Variants in TOX observed in about 807,000 individuals in gnomAD.
TOX encodes thymocyte selection associated high mobility group box.
TOX carries 11 observed loss-of-function variants against 53.7 expected under a neutral mutation model. The ratio of observed to expected loss-of-function variants is 0.20; its 90% CI spans 0.13 to 0.34. The LOEUF is 0.34. Ranked by LOEUF, TOX falls within the 10% of genes least tolerant of loss-of-function variation. The pLI is 1.00. For synonymous variants in TOX, 225 were observed against 245.3 expected (o/e 0.92, Z 0.77); for missense variants, 570 against 664.6 (o/e 0.86, Z 1.56).
At chr8:59,055,809 G>T (rs780279000) in intron 1 of TOX, among the ~76,000 whole-genome samples, 3 of 152,012 alleles carry the variant, frequency 2.0e-5, no homozygotes, top group Non-Finnish European at 4.4e-5. Context: ...TCAGCAACTG[G>T]GTCTGCATTC....
intron 1 of TOX, among the ~76,000 whole-genome samples, chr8:59,081,329 G>T (rs1804404348): frequency 6.6e-6 from 1 of 152,054 alleles, no homozygotes; most frequent in Admixed American, 6.6e-5. Context: ...GCCGGGCCAG[G>T]GAAGGTGTTA....
At chr8:59,079,257 T>A (rs1392838076) in intron 1 of TOX, among the ~76,000 whole-genome samples, 1 of 152,188 alleles carries the variant, frequency 6.6e-6, no homozygotes, top group East Asian at 1.9e-4. Context: ...ATTTTAGTTA[T>A]GCAAATATAG....
At chr8:58,928,975 T>G (rs960413507) in intron 3 of TOX, among the ~76,000 whole-genome samples, 11 of 152,152 alleles carry the variant, frequency 7.2e-5, no homozygotes, top group African/African-American at 2.7e-4. Context: ...AGATCATGAT[T>G]AAAGAAAACA....
intron 3 of TOX, among the ~76,000 whole-genome samples, chr8:58,853,884 G>A (rs1810866856): frequency 6.6e-6 from 1 of 152,248 alleles, no homozygotes; most frequent in Non-Finnish European, 1.5e-5. Context: ...TGAAAATTAG[G>A]ACTGATTTTT....
chr8:58,826,990 C>T, intron 5 of TOX, 88 bp from the exon 6 acceptor site: 1 of 832,818 alleles, frequency 1.2e-6, no homozygotes. Context: ...ACTGCACACA[C>T]AAACACACTT....
rs542154294 is a variant in TOX at position 58,807,061 on chromosome 8, G to T, written c.*686C>A. Reference sequence around the variant, plus strand: ...TGCAGTACAAAATAAATGTGTTTGCGCTTCCCTTAATACTAGTTTCTTTTT... The same window carrying T: ...TGCAGTACAAAATAAATGTGTTTGCTCTTCCCTTAATACTAGTTTCTTTTT... On this transcript the variant is annotated 3_prime_UTR_variant, in exon 9 of 9. Transcript: ENST00000361421. The T allele has an allele frequency of 6.6e-6, 1 of 152,558 alleles. No homozygotes were observed. Among genetic ancestry groups the T allele is most frequent in the Non-Finnish European group, 1.5e-5 (1 of 68,026 alleles). The allele number at this position is 152,558 out of a possible 1,614,324, so 9.5% of individuals were successfully genotyped here.
At chr8:58,812,842 T>G (rs1331629451) in intron 7 of TOX, among the ~76,000 whole-genome samples, 1 of 152,246 alleles carries the variant, frequency 6.6e-6, no homozygotes, top group African/African-American at 2.4e-5. Context: ...GAATTGAAAT[T>G]GAAATTCTAC....
At chr8:58,845,997 A>C (rs1013745203) in intron 4 of TOX, among the ~76,000 whole-genome samples, 2 of 151,980 alleles carry the variant, frequency 1.3e-5, no homozygotes, top group African/African-American at 2.4e-5. Context: ...TGAGGTGGGG[A>C]CCCGCTGAAT....
chr8:58,857,996 C>T (rs1196134128), intron 3 of TOX, among the ~76,000 whole-genome samples: 2 of 152,174 alleles, frequency 1.3e-5, no homozygotes, highest in African/African-American at 4.8e-5. Context: ...TCTTGAACTC[C>T]TGACCTCAGG....
At chr8:58,845,871 A>G (rs1228531606) in intron 4 of TOX, among the ~76,000 whole-genome samples, 1 of 152,098 alleles carries the variant, frequency 6.6e-6, no homozygotes, top group Non-Finnish European at 1.5e-5. Flanking sequence ...GGTTAAATTT[A>G]TCAATTTTAG....
At chr8:59,068,271 T>C (rs1255585763) in intron 1 of TOX, among the ~76,000 whole-genome samples, 1 of 152,122 alleles carries the variant, frequency 6.6e-6, no homozygotes, top group African/African-American at 2.4e-5. Flanking sequence ...TTCCCCAGTG[T>C]CTAATAAGAA....
intron 1 of TOX, among the ~76,000 whole-genome samples, chr8:59,017,267 T>C (rs1336164724): frequency 6.6e-6 from 1 of 152,266 alleles, no homozygotes; most frequent in East Asian, 1.9e-4. Context: ...ACATTCTATA[T>C]GTAAATGAAA....
At chr8:59,044,433 T>A (rs1354591656) in intron 1 of TOX, among the ~76,000 whole-genome samples, 1 of 152,220 alleles carries the variant, frequency 6.6e-6, no homozygotes, top group African/African-American at 2.4e-5. Flanking sequence ...TGTCCCTTGC[T>A]GACTACAGAG....
chr8:58,997,505 C>A (rs1407767672), intron 1 of TOX, among the ~76,000 whole-genome samples: 4 of 152,192 alleles, frequency 2.6e-5, no homozygotes, highest in Non-Finnish European at 4.4e-5. Flanking sequence ...CCACCCTGTG[C>A]AAGTGGAACA....
At chr8:59,059,239 C>G (rs1445543758) in intron 1 of TOX, among the ~76,000 whole-genome samples, 1 of 152,098 alleles carries the variant, frequency 6.6e-6, no homozygotes, top group Non-Finnish European at 1.5e-5. Flanking sequence ...TTCTCATTCC[C>G]CTTCCTTCAC....
intron 1 of TOX, among the ~76,000 whole-genome samples, chr8:59,023,524 C>G (rs1193986074): frequency 2.9e-4 from 44 of 152,126 alleles, no homozygotes; most frequent in Non-Finnish European, 1.5e-5. Flanking sequence ...GAGACTCAGT[C>G]TATGGCTCTT....
At chr8:58,856,537 T>C (rs950921349) in intron 3 of TOX, among the ~76,000 whole-genome samples, 9 of 152,186 alleles carry the variant, frequency 5.9e-5, no homozygotes, top group African/African-American at 1.9e-4. Context: ...ACTTGATTAA[T>C]GTCCATTTCC....
chr8:58,922,611 C>G (rs1270875111), intron 3 of TOX, among the ~76,000 whole-genome samples: 1 of 152,186 alleles, frequency 6.6e-6, no homozygotes, highest in Middle Eastern at 3.4e-3. Flanking sequence ...TAAGGGCATG[C>G]CTTCTTCTCT....
intron 1 of TOX, among the ~76,000 whole-genome samples, chr8:59,008,674 T>A (rs1167670641): frequency 6.6e-6 from 1 of 152,138 alleles, no homozygotes; most frequent in Non-Finnish European, 1.5e-5. Context: ...TCAATGGCGG[T>A]GACACTTTTC....
Sources: gnomAD v4.1 joint callset for allele counts (sites outside exome capture counted in the v4.1 genomes callset) on GRCh38, gnomAD v4.1.1 for gene constraint, MANE v1.5 for transcripts, NCBI Gene and HGNC (gene_info 2026-07-23, HGNC 2026-07-21) for gene names.